The following VPS8 variants were observed in gnomAD, a reference collection of about 807,000 sequenced individuals.
The protein encoded by VPS8 is VPS8 subunit of CORVET complex, also known as vacuolar protein sorting-associated protein 8 homolog.
In VPS8, 129 loss-of-function variants were observed where a neutral mutation model predicts 216.4. The observed-to-expected ratio is 0.60, with a 90% CI of 0.52 to 0.69. The LOEUF is 0.69. Ranked by LOEUF, VPS8 falls within the 30% of genes least tolerant of loss-of-function variation. The pLI is 0.00. For synonymous variants in VPS8, 571 were observed against 565.4 expected, an observed-to-expected ratio of 1.01 and a Z score of -0.14; for missense variants, 1,531 against 1,683.5, an observed-to-expected ratio of 0.91 and a Z score of 1.59.
rs1389337588 is a variant in VPS8 at position 184,863,002 on chromosome 3, C to G, written c.1330C>G (p.Gln444Glu). The change falls in exon 16 of 48, where the codon CAG becomes GAG. Residue 444 changes from glutamine to glutamate, a missense_variant. Gln to Glu is a conservative substitution (Grantham distance 29, BLOSUM62 2). Coordinates refer to ENST00000625842, the MANE Select transcript of VPS8 (RefSeq NM_001009921.3). ...GGAGACAGTGGAGATCTCAGAAGTTCAGCTGGTCTACAATAGCAGCCATTT... is the reference window on the plus strand; with the variant it reads ...GGAGACAGTGGAGATCTCAGAAGTTGAGCTGGTCTACAATAGCAGCCATTT... ...ELETVEISEVQLVYNSSHFKS... is the reference protein window; with the variant it reads ...ELETVEISEVELVYNSSHFKS... 6.2e-7 allele frequency: 1 copy of G among 1,612,462 alleles called. No individual in the cohort carries two copies. The highest frequency in any genetic ancestry group is 2.2e-5 in the East Asian group (1 of 44,754).
At chr3:184,821,644 C>T (rs1250413434) in intron 1 of VPS8, among the ~76,000 whole-genome samples, 1 of 152,068 alleles carries the variant, frequency 6.6e-6, no homozygotes, top group African/African-American at 2.4e-5. Context: ...AGGCACTGTG[C>T]CTGGCCTCTA....
intron 17 of VPS8, 106 bp downstream of exon 17, chr3:184,867,056 C>T: frequency 1.0e-6 from 1 of 1,002,758 alleles, no homozygotes; most frequent in Non-Finnish European, 1.5e-6. Context: ...GAATATTGGT[C>T]AGCAATTATC....
At position 184,961,540 on chromosome 3, in the gene VPS8, A is replaced by G. The variant is rs535360481; in HGVS notation, c.3184-2928A>G. On this transcript the variant is annotated intron_variant, in intron 37 of 47. Coordinates refer to ENST00000625842, the MANE Select transcript of VPS8 (RefSeq NM_001009921.3). Reference sequence around the variant, plus strand: ...TGTTTATATTAAAAGTAGAGCACCCATTATCTGTCTTATTCCCCCCTCTCC... The same window carrying G: ...TGTTTATATTAAAAGTAGAGCACCCGTTATCTGTCTTATTCCCCCCTCTCC... Among the ~76,000 whole-genome samples, 11 of 152,150 alleles carry G rather than the reference A, an allele frequency of 7.2e-5. No homozygotes were observed. The South Asian group carries it at 2.1e-3, about 29-fold the overall frequency.
At chr3:184,982,684 G>A (rs1309088945) in intron 41 of VPS8, 37 bp downstream of exon 41, 6 of 1,480,846 alleles carry the variant, frequency 4.1e-6, no homozygotes, top group Non-Finnish European at 1.9e-6. Flanking sequence ...GAGTCCACCT[G>A]TATCATCAGT....
At chr3:185,002,137 A>G (rs1301783938) in intron 45 of VPS8, among the ~76,000 whole-genome samples, 1 of 152,220 alleles carries the variant, frequency 6.6e-6, no homozygotes, top group Non-Finnish European at 1.5e-5. Flanking sequence ...TAGGCAAGCA[A>G]GGACCAAGTT....
At chr3:184,879,046 C>G (rs1560499548) in intron 21 of VPS8, among the ~76,000 whole-genome samples, 1 of 152,128 alleles carries the variant, frequency 6.6e-6, no homozygotes, top group Admixed American at 6.5e-5. Context: ...TACCATCGCT[C>G]CAAAAAGCAA....
chr3:184,820,958 C>T (rs1717450818), intron 1 of VPS8, among the ~76,000 whole-genome samples: 1 of 152,216 alleles, frequency 6.6e-6, no homozygotes, highest in Non-Finnish European at 1.5e-5. Context: ...TGAAGAACTG[C>T]TGTGATATCC....
intron 22 of VPS8, among the ~76,000 whole-genome samples, 176 bp from the exon 23 acceptor site, chr3:184,894,527 T>C (rs1733001490): frequency 7.2e-6 from 1 of 139,306 alleles, no homozygotes. Flanking sequence ...TATATATATA[T>C]ATATACACAC....
chr3:184,987,356 T>C (rs1160453632), intron 42 of VPS8, among the ~76,000 whole-genome samples: 1 of 151,660 alleles, frequency 6.6e-6, no homozygotes, highest in Non-Finnish European at 1.5e-5. Context: ...TCAAGTGATC[T>C]GCCCACCTCT....
chr3:184,881,375 T>C (rs913064407), intron 21 of VPS8, among the ~76,000 whole-genome samples: 1 of 152,172 alleles, frequency 6.6e-6, no homozygotes, highest in Non-Finnish European at 1.5e-5. Flanking sequence ...AGATACCTAA[T>C]TGCAGCATTA....
intron 45 of VPS8, among the ~76,000 whole-genome samples, chr3:185,000,513 C>T (rs1353550424): frequency 6.6e-6 from 1 of 152,024 alleles, no homozygotes; most frequent in African/African-American, 2.4e-5. Context: ...ATATTTTTGG[C>T]TTCCTGTTCC....
intron 36 of VPS8, among the ~76,000 whole-genome samples, chr3:184,952,627 A>G (rs1178233040): frequency 6.6e-6 from 1 of 152,230 alleles, no homozygotes; most frequent in East Asian, 1.9e-4. Context: ...AGTCATGAAT[A>G]TTTATGAAAG....
intron 2 of VPS8, chr3:184,825,021 T>A: frequency 2.2e-6 from 1 of 456,554 alleles, no homozygotes; most frequent in South Asian, 2.3e-5. Context: ...TCCTCCTACC[T>A]CAGCCTCCCA....
At chr3:184,868,720 C>G (rs781673488) in intron 18 of VPS8, among the ~76,000 whole-genome samples, 2 of 152,154 alleles carry the variant, frequency 1.3e-5, no homozygotes, top group Non-Finnish European at 2.9e-5. Context: ...AGCTATTTCC[C>G]CTTTTCATAT....
chr3:184,883,536 A>G (rs1429237837), intron 21 of VPS8, among the ~76,000 whole-genome samples: 1 of 152,122 alleles, frequency 6.6e-6, no homozygotes, highest in Non-Finnish European at 1.5e-5. Context: ...CTTCCAAACC[A>G]TGATCAATCT....
chr3:185,025,964 T>A (rs1303294517), intron 46 of VPS8, among the ~76,000 whole-genome samples: 1 of 152,244 alleles, frequency 6.6e-6, no homozygotes, highest in Non-Finnish European at 1.5e-5. Context: ...AATAGTCTAC[T>A]GCTTAAGAGT....
intron 8 of VPS8, among the ~76,000 whole-genome samples, chr3:184,843,696 G>T (rs570424171): frequency 4.1e-4 from 62 of 152,232 alleles, no homozygotes; most frequent in African/African-American, 1.4e-3. Flanking sequence ...GTCTTTTCCT[G>T]TTATATTATG....
In VPS8 at chr3:185,014,264, G is replaced by C. The variant is rs547881568; in HGVS notation, c.4003-10072G>C. ...AGGTTTTCTTCCACCATCTGTGACAGCTTCTTGATCTGTCCCTAAGTAGGT... is the reference window on the plus strand; with the variant it reads ...AGGTTTTCTTCCACCATCTGTGACACCTTCTTGATCTGTCCCTAAGTAGGT... On this transcript the variant is annotated intron_variant, in intron 45 of 47. Coordinates refer to ENST00000625842, the MANE Select transcript of VPS8 (RefSeq NM_001009921.3). Among the ~76,000 whole-genome samples, 15 of 152,262 alleles carry C rather than the reference G, an allele frequency of 9.9e-5. No individual in the cohort carries two copies. The South Asian group carries it at 3.1e-3, about 32-fold the overall frequency.
intron 36 of VPS8, among the ~76,000 whole-genome samples, chr3:184,948,954 G>A (rs1744172163): frequency 6.6e-6 from 1 of 152,044 alleles, no homozygotes; most frequent in East Asian, 1.9e-4. Context: ...TCCTACGTAG[G>A]AGAACAATAT....
Sources: allele counts gnomAD v4.1 joint callset (sites outside exome capture counted in the v4.1 genomes callset), GRCh38; gene constraint gnomAD v4.1.1; transcripts MANE v1.5; gene names NCBI Gene and HGNC (gene_info 2026-07-23, HGNC 2026-07-21).